ADSS2: variants seen among roughly 807,000 people sequenced by gnomAD.
The protein encoded by ADSS2 is adenylosuccinate synthase 2, also known as adenylosuccinate synthetase isozyme 2.
Under a neutral mutation model 60.0 loss-of-function variants are expected in ADSS2, and 30 were observed. The observed-to-expected ratio is 0.50, with a 90% confidence interval of 0.37 to 0.68. The LOEUF is 0.68. ADSS2 is among the 30% of genes least tolerant of loss of function. ADSS2 has a pLI of 0.00. For missense variants in ADSS2, 373 were observed against 554.8 expected (o/e 0.67, Z 3.29); for synonymous variants, 187 against 193.1 (o/e 0.97, Z 0.26).
At position 244,451,333 on chromosome 1, in the gene ADSS2, A is replaced by G. The variant is rs1474964678; in HGVS notation, c.183+302T>C. The stretch of plus-strand genomic sequence containing the variant: ...CACCCCGGCCTCAGTCCCGGCGCTG[A>G]GCACCACTCGCCAGACGCAAAACTG... On this transcript the variant is annotated intron_variant, in intron 1 of 12. Coordinates refer to ENST00000366535, the MANE Select transcript of ADSS2 (RefSeq NM_001126.5). The surrounding 1 kb of genome is among the most constrained non-coding windows in gnomAD (Gnocchi z 6.6). Among the ~76,000 whole-genome samples, 1 of 152,138 alleles carries G rather than the reference A, an allele frequency of 6.6e-6. No homozygotes were observed. The highest frequency in any genetic ancestry group is 1.5e-5 in the Non-Finnish European group (1 of 68,000).
Position 244,451,792 on chromosome 1 carries a change from G to A in ADSS2, c.26C>T (p.Ala9Val), listed in dbSNP as rs769147508. 2.5e-6 allele frequency: 4 copies of A among 1,595,294 alleles called. No homozygotes were observed. The highest frequency in any genetic ancestry group is 3.4e-6 in the Non-Finnish European group (4 of 1,172,158). MAFAETYP[A>V]ASSLPNGDCG... Reference sequence around the variant, plus strand: ...ATCGCCGTTGGGCAGGGAGGATGCCGCCGGGTAGGTCTCGGCGAACGCCAT... The same window carrying A: ...ATCGCCGTTGGGCAGGGAGGATGCCACCGGGTAGGTCTCGGCGAACGCCAT... The change falls in exon 1 of 13, where the codon GCG (alanine) becomes GTG (valine). Residue 9 changes from alanine (A) to valine (V), a missense_variant. Around this residue, in one of 5 missense-constraint regions of ADSS2, gnomAD observed 47 missense variants for 48.3 expected, o/e 0.97. Transcript: ENST00000366535. The surrounding 1 kb of genome is among the most constrained non-coding windows in gnomAD (Gnocchi z 6.6).
chr1:244,437,636 A>C (rs766707711), intron 2 of ADSS2, 30 bp downstream of exon 2: 52 of 1,424,902 alleles, frequency 3.6e-5, no homozygotes, highest in Non-Finnish European at 4.8e-5. Context: ...GTGGGGGGGA[A>C]TCTCCATGCA....
chr1:244,449,550 T>A (rs145864136), intron 1 of ADSS2, among the ~76,000 whole-genome samples: 1 of 152,372 alleles, frequency 6.6e-6, no homozygotes, highest in African/African-American at 2.4e-5. Flanking sequence ...ATTAAGTAGA[T>A]GCCAGCTTAC....
chr1:244,423,470 A>G (rs1303607481), intron 6 of ADSS2, among the ~76,000 whole-genome samples: 1 of 152,170 alleles, frequency 6.6e-6, no homozygotes, highest in Non-Finnish European at 1.5e-5. Flanking sequence ...TAGGTTTCCC[A>G]AGGAGATCTG....
chr1:244,440,054 T>C (rs1665199475), intron 1 of ADSS2, among the ~76,000 whole-genome samples: 1 of 152,210 alleles, frequency 6.6e-6, no homozygotes, highest in Admixed American at 6.5e-5. Context: ...CAATTCAAGA[T>C]TGTCTTTCCT....
At chr1:244,435,402 C>T (rs1215179563) in intron 3 of ADSS2, among the ~76,000 whole-genome samples, 1 of 151,812 alleles carries the variant, frequency 6.6e-6, no homozygotes, top group Non-Finnish European at 1.5e-5. Context: ...GGGGGTGGGG[C>T]TCAAATATAT....
chr1:244,435,802 T>C (rs1665085541), intron 3 of ADSS2, among the ~76,000 whole-genome samples: 1 of 152,208 alleles, frequency 6.6e-6, no homozygotes, highest in Non-Finnish European at 1.5e-5. Context: ...ATACCACCAA[T>C]ACAGTGGGAA....
chr1:244,444,023 C>T (rs756913064), intron 1 of ADSS2, among the ~76,000 whole-genome samples: 2 of 152,120 alleles, frequency 1.3e-5, no homozygotes, highest in Admixed American at 6.5e-5. Context: ...CAAGTAGCTA[C>T]GTGGCAGGTT....
chr1:244,418,413 C>T (rs1187702123), intron 9 of ADSS2, among the ~76,000 whole-genome samples: 1 of 152,196 alleles, frequency 6.6e-6, no homozygotes, highest in East Asian at 1.9e-4. Context: ...CCTCTGCTTC[C>T]TGGGCTCAAG....
intron 1 of ADSS2, among the ~76,000 whole-genome samples, chr1:244,440,893 T>G (rs1351184222): frequency 6.6e-6 from 1 of 152,190 alleles, no homozygotes; most frequent in Admixed American, 6.5e-5. Flanking sequence ...GGTCCCATAA[T>G]GAGAGGCACT....
intron 7 of ADSS2, 103 bp from the exon 8 acceptor site, chr1:244,420,399 A>C: frequency 1.9e-6 from 2 of 1,043,140 alleles, no homozygotes; most frequent in Non-Finnish European, 2.7e-6. Flanking sequence ...AAACTGACAA[A>C]CGCAAAGTAG....
intron 8 of ADSS2, chr1:244,419,132 G>A: frequency 2.3e-6 from 1 of 426,182 alleles, no homozygotes; most frequent in Non-Finnish European, 4.1e-6. Context: ...CTTATACAGA[G>A]AGGCTCCTTG....
chr1:244,445,827 G>T (rs915243791), intron 1 of ADSS2, among the ~76,000 whole-genome samples: 1 of 152,186 alleles, frequency 6.6e-6, no homozygotes, highest in African/African-American at 2.4e-5. Flanking sequence ...CCTCAGTGTT[G>T]TAAACCTGAA....
Position 244,424,020 on chromosome 1 carries a change from A to G in ADSS2, c.514T>C (p.Ser172Pro), listed in dbSNP as rs1664738441. 6.2e-7 allele frequency: 1 copy of G among 1,613,312 alleles called. No individual in the cohort carries two copies. Among genetic ancestry groups the G allele is most frequent in the Non-Finnish European group, 8.5e-7 (1 of 1,179,734 alleles). ...TKKGIGPVYSSKAARSGLRMC... is the reference protein window; with the variant it reads ...TKKGIGPVYSPKAARSGLRMC... ...CTGAGTCCACTCCGAGCAGCTTTGG[A>G]CGAATAAACTGGGCCAATGCCCTTT... Residue 172 changes from serine to proline, a missense_variant, in exon 6 of 13, where the codon TCC (serine) becomes CCC (proline). Coordinates refer to ENST00000366535, the MANE Select transcript of ADSS2 (RefSeq NM_001126.5).
intron 1 of ADSS2, among the ~76,000 whole-genome samples, chr1:244,439,936 T>C (rs567241731): frequency 1.3e-5 from 2 of 152,318 alleles, no homozygotes; most frequent in South Asian, 4.1e-4. Flanking sequence ...AGGGCAGCAC[T>C]GAGTTCCAAT....
At position 244,435,194 on chromosome 1, in the gene ADSS2, A is replaced by AAAAAAAAAAAAAAAAAAAAAAAC. The variant is rs1553308065; in HGVS notation, c.355+1630_355+1631insGTTTTTTTTTTTTTTTTTTTTTT. On this transcript the variant is annotated intron_variant, in intron 3 of 12. Transcript: ENST00000366535. ...AAAAAAAAAAAAAAAAAAAAAAAAA[A>AAAAAAAAAAAAAAAAAAAAAAAC]AAACAAACCTGAACATACTATAACA... Among the ~76,000 whole-genome samples the AAAAAAAAAAAAAAAAAAAAAAAC allele has an allele frequency of 1.9e-4, 24 of 127,904 alleles. 3 individuals carry two copies. Among genetic ancestry groups the AAAAAAAAAAAAAAAAAAAAAAAC allele is most frequent in the African/African-American group, 7.7e-4 (24 of 31,136 alleles). The allele number at this position is 127,904 out of a possible 152,430, so 83.9% of individuals were successfully genotyped here. A position where few individuals can be genotyped will look rare whatever the true frequency, so the allele number is the denominator to read the frequency against.
chr1:244,435,194 A>AAAAAAAAAAAAAAAAAAC lies in ADSS2; in HGVS notation c.355+1630_355+1631insGTTTTTTTTTTTTTTTTT, dbSNP rs1553308065. 3.7e-4 allele frequency among the ~76,000 whole-genome samples: 47 copies of AAAAAAAAAAAAAAAAAAC among 127,902 alleles called. 3 individuals are homozygous for AAAAAAAAAAAAAAAAAAC. Among genetic ancestry groups the AAAAAAAAAAAAAAAAAAC allele is most frequent in the African/African-American group, 1.4e-3 (43 of 31,136 alleles). The allele number at this position is 127,902 out of a possible 152,430, so 83.9% of individuals were successfully genotyped here. A position where few individuals can be genotyped will look rare whatever the true frequency, so the allele number is the denominator to read the frequency against. On this transcript the variant is annotated intron_variant, in intron 3 of 12. Transcript: ENST00000366535. ...AAAAAAAAAAAAAAAAAAAAAAAAA[A>AAAAAAAAAAAAAAAAAAC]AAACAAACCTGAACATACTATAACA...
intron 4 of ADSS2, among the ~76,000 whole-genome samples, chr1:244,430,188 C>G (rs761561247): frequency 1.3e-5 from 2 of 152,078 alleles, no homozygotes; most frequent in Non-Finnish European, 2.9e-5. Context: ...ACATTACTTT[C>G]CTTTTACTCT....
chr1:244,429,230 G>A (rs927787840), intron 4 of ADSS2, among the ~76,000 whole-genome samples: 5 of 152,146 alleles, frequency 3.3e-5, no homozygotes, highest in Non-Finnish European at 7.4e-5. Flanking sequence ...TCAAGATTTC[G>A]ATCCAGATCC....
Sources: gnomAD v4.1 joint callset for allele counts (sites outside exome capture counted in the v4.1 genomes callset) on GRCh38, gnomAD v4.1.1 for gene constraint, gnomAD v4.1.1 regional missense constraint, Gnocchi (gnomAD v3.1) non-coding constraint, MANE v1.5 for transcripts, NCBI Gene and HGNC (gene_info 2026-07-23, HGNC 2026-07-21) for gene names.